DLG2: variants seen among roughly 807,000 people sequenced by gnomAD.
DLG2 encodes discs large MAGUK scaffold protein 2, also known as disks large homolog 2.
Under a neutral mutation model 132.5 loss-of-function variants are expected in DLG2, and 45 were observed. The observed-to-expected ratio is 0.34, with a 90% confidence interval of 0.27 to 0.44. The LOEUF is 0.44. DLG2 is among the 20% of genes least tolerant of loss of function. DLG2 has a pLI of 1.00. For missense variants in DLG2, 1,045 were observed against 1,196.9 expected (o/e 0.87, Z 1.87); for synonymous variants, 424 against 419.6 (o/e 1.01, Z -0.13).
At chr11:83,541,570 C>G (rs2096068327) in intron 20 of DLG2, 112 bp downstream of exon 20, 2 of 973,868 alleles carry the variant, frequency 2.1e-6, no homozygotes, top group Admixed American at 6.3e-5. Context: ...GATTGACTAT[C>G]CCATTTAAAT....
chr11:84,231,020 C>G (rs959386434), intron 8 of DLG2, among the ~76,000 whole-genome samples: 3 of 152,202 alleles, frequency 2.0e-5, no homozygotes, highest in Non-Finnish European at 4.4e-5. Flanking sequence ...AAATTGTTAC[C>G]CTGCTAAAAA....
At chr11:84,618,517 G>C (rs571673804) in intron 6 of DLG2, among the ~76,000 whole-genome samples, 1 of 152,046 alleles carries the variant, frequency 6.6e-6, no homozygotes, top group Admixed American at 6.6e-5. Flanking sequence ...CAGAAAAGTG[G>C]GCTGTAGCAA....
In DLG2 at chr11:84,083,637, A is replaced by G. The variant is rs1472651751; in HGVS notation, c.749+15286T>C. Among the ~76,000 whole-genome samples, 3 of 152,112 alleles carry G rather than the reference A, an allele frequency of 2.0e-5. No homozygotes were observed. In the South Asian group the frequency reaches 6.2e-4, roughly 32 times the overall value. ...TTATAAAGCAAGTCTGGCCTATAGT[A>G]TCTCTCTCTGTATTGTGTACTTGAT... On this transcript the variant is annotated intron_variant, in intron 10 of 27. Transcript: ENST00000376104.
At chr11:84,659,356 T>G (rs967185588) in intron 6 of DLG2, among the ~76,000 whole-genome samples, 2 of 152,138 alleles carry the variant, frequency 1.3e-5, no homozygotes, top group Non-Finnish European at 2.9e-5. Flanking sequence ...TATAATGCCT[T>G]TTCAAGACTC....
At chr11:84,534,973 CTCTT>C (rs924732917) in intron 6 of DLG2, among the ~76,000 whole-genome samples, 2 of 152,108 alleles carry the variant, frequency 1.3e-5, no homozygotes, top group African/African-American at 4.8e-5. Flanking sequence ...ATAATATACT[CTCTT>C]TGTTTATGAG....
At chr11:85,120,866 T>C (rs977292783) in intron 5 of DLG2, among the ~76,000 whole-genome samples, 1 of 152,048 alleles carries the variant, frequency 6.6e-6, no homozygotes, top group Non-Finnish European at 1.5e-5. Context: ...TAAAGTGGTA[T>C]AATAGATTAT....
intron 6 of DLG2, among the ~76,000 whole-genome samples, chr11:85,063,178 C>T (rs558207118): frequency 2.0e-5 from 3 of 151,746 alleles, no homozygotes; most frequent in Non-Finnish European, 4.4e-5. Context: ...TTGGAAGTTG[C>T]CTTGACCAAA....
chr11:83,880,618 G>A (rs1028252089), intron 15 of DLG2, among the ~76,000 whole-genome samples: 2 of 152,204 alleles, frequency 1.3e-5, no homozygotes, highest in Non-Finnish European at 1.5e-5. Context: ...AGGATTGGGG[G>A]AGGTGAGGAA....
intron 3 of DLG2, among the ~76,000 whole-genome samples, chr11:85,451,502 G>C (rs992482682): frequency 3.3e-5 from 5 of 152,040 alleles, no homozygotes; most frequent in African/African-American, 1.2e-4. Context: ...TCACTTTCTT[G>C]CAGTGGTCTG....
At chr11:85,059,898 C>G (rs1566758611) in intron 6 of DLG2, among the ~76,000 whole-genome samples, 1 of 151,668 alleles carries the variant, frequency 6.6e-6, no homozygotes, top group African/African-American at 2.4e-5. Context: ...AAAAGATACA[C>G]TTGTATAAAT....
chr11:85,410,980 C>T (rs964073116), intron 3 of DLG2, among the ~76,000 whole-genome samples: 2 of 151,844 alleles, frequency 1.3e-5, no homozygotes, highest in African/African-American at 2.4e-5. Flanking sequence ...CAGAGGCAAA[C>T]TATTCCTATA....
At chr11:83,978,804 A>G (rs777741423) in intron 12 of DLG2, among the ~76,000 whole-genome samples, 7 of 152,144 alleles carry the variant, frequency 4.6e-5, no homozygotes, top group Non-Finnish European at 8.8e-5. Flanking sequence ...ATGAATGACA[A>G]TAATGAATAA....
chr11:83,513,217 C>T (rs987614941), intron 21 of DLG2, among the ~76,000 whole-genome samples: 10 of 152,238 alleles, frequency 6.6e-5, no homozygotes, highest in Admixed American at 1.3e-4. Context: ...TTTTAATCAT[C>T]GCCATTCTAA....
chr11:85,114,977 C>G (rs2073356349), intron 5 of DLG2, among the ~76,000 whole-genome samples: 1 of 151,776 alleles, frequency 6.6e-6, no homozygotes, highest in Non-Finnish European at 1.5e-5. Flanking sequence ...AAATTTTGAC[C>G]TAAATGTTTC....
intron 6 of DLG2, among the ~76,000 whole-genome samples, chr11:85,098,290 T>G (rs1284949501): frequency 6.6e-6 from 1 of 152,192 alleles, no homozygotes; most frequent in African/African-American, 2.4e-5. Flanking sequence ...GATTCTACAG[T>G]TTGGTGACAG....
chr11:84,702,736 C>T (rs1215912567), intron 6 of DLG2, among the ~76,000 whole-genome samples: 1 of 151,572 alleles, frequency 6.6e-6, no homozygotes, highest in Admixed American at 6.6e-5. Context: ...GATCTCCTAT[C>T]ATGTCTTTCC....
chr11:83,672,405 G>A (rs2076985589), intron 18 of DLG2, among the ~76,000 whole-genome samples: 1 of 152,084 alleles, frequency 6.6e-6, no homozygotes, highest in Admixed American at 6.5e-5. Flanking sequence ...TCAAACTCCT[G>A]ACCTCAGGTG....
intron 18 of DLG2, among the ~76,000 whole-genome samples, chr11:83,650,651 A>G (rs1157982751): frequency 6.6e-6 from 1 of 152,232 alleles, no homozygotes; most frequent in Non-Finnish European, 1.5e-5. Flanking sequence ...TTTTCTTTAA[A>G]CACGCCACCT....
At chr11:84,589,307 T>G (rs149395789) in intron 6 of DLG2, among the ~76,000 whole-genome samples, 21 of 152,248 alleles carry the variant, frequency 1.4e-4, no homozygotes, top group Non-Finnish European at 2.8e-4. Flanking sequence ...GATTCTCAGC[T>G]TTGCTAATGA....
Sources: gnomAD v4.1 joint callset for allele counts (sites outside exome capture counted in the v4.1 genomes callset) on GRCh38, gnomAD v4.1.1 for gene constraint, MANE v1.5 for transcripts, NCBI Gene and HGNC (gene_info 2026-07-23, HGNC 2026-07-21) for gene names.